PEPD: variants seen among roughly 807,000 people sequenced by gnomAD.
PEPD encodes the protein xaa-Pro dipeptidase.
Under a neutral mutation model 60.7 loss-of-function variants are expected in PEPD, and 53 were observed. That is an observed-to-expected ratio of 0.87 (90% CI 0.70 to 1.10). The LOEUF (loss-of-function observed/expected upper bound fraction) is 1.10. Among genes scored for constraint, PEPD ranks in the 50% least tolerant of loss-of-function variants. The pLI is 0.00. For synonymous variants in PEPD, 267 were observed against 284.1 expected, an observed-to-expected ratio of 0.94 and a Z score of 0.60; for missense variants, 711 against 711.9, an observed-to-expected ratio of 1.00 and a Z score of 0.01.
intron 9 of PEPD, among the ~76,000 whole-genome samples, chr19:33,433,147 C>A (rs997362713): frequency 6.6e-6 from 1 of 152,252 alleles, no homozygotes; most frequent in Non-Finnish European, 1.5e-5. Context: ...TCAATCAGGG[C>A]CTTACTGGTC....
chr19:33,430,205 A>G (rs1439138041), intron 9 of PEPD, among the ~76,000 whole-genome samples: 11 of 152,172 alleles, frequency 7.2e-5, no homozygotes, highest in Admixed American at 7.2e-4. Flanking sequence ...CCAGACACTA[A>G]CCCAGCCCCA....
At chr19:33,519,293 T>G (rs1305582204) in intron 1 of PEPD, among the ~76,000 whole-genome samples, 1 of 152,212 alleles carries the variant, frequency 6.6e-6, no homozygotes, top group Non-Finnish European at 1.5e-5. Context: ...AGTAGATTCT[T>G]GAGTTTCAAA....
intron 9 of PEPD, among the ~76,000 whole-genome samples, chr19:33,426,654 G>C (rs542412286): frequency 6.6e-6 from 1 of 152,366 alleles, no homozygotes; most frequent in East Asian, 1.9e-4. Context: ...GGTCACCCGG[G>C]AGGCAGCGCC....
chr19:33,400,132 C>T (rs952942233), intron 12 of PEPD, among the ~76,000 whole-genome samples: 1 of 152,212 alleles, frequency 6.6e-6, no homozygotes. Context: ...TTGGGCCTGC[C>T]TGTCTCTCTG....
chr19:33,448,529 CT>C (rs149447344), intron 9 of PEPD, among the ~76,000 whole-genome samples: 130 of 151,694 alleles, frequency 8.6e-4, no homozygotes, highest in African/African-American at 3.0e-3. Flanking sequence ...AAAAAAAAGT[CT>C]TTTTTTTTCC....
intron 6 of PEPD, among the ~76,000 whole-genome samples, chr19:33,478,486 C>T (rs1970261937): frequency 6.6e-6 from 1 of 152,006 alleles, no homozygotes; most frequent in African/African-American, 2.4e-5. Flanking sequence ...CCATGAACTC[C>T]AAGTAGGATA....
chr19:33,518,038 A>G (rs889962299), intron 1 of PEPD, among the ~76,000 whole-genome samples: 4 of 151,862 alleles, frequency 2.6e-5, no homozygotes, highest in Non-Finnish European at 5.9e-5. Context: ...CCAGCCAAGG[A>G]CCAGCCACCT....
intron 9 of PEPD, among the ~76,000 whole-genome samples, chr19:33,456,232 A>G (rs528764544): frequency 7.9e-5 from 12 of 151,744 alleles, no homozygotes; most frequent in African/African-American, 2.4e-4. Context: ...CCTGTCCCCA[A>G]CTCCCTCCCT....
chr19:33,485,006 C>T (rs1970371340), intron 6 of PEPD, among the ~76,000 whole-genome samples: 2 of 152,166 alleles, frequency 1.3e-5, no homozygotes, highest in Non-Finnish European at 2.9e-5. Flanking sequence ...AGTGTAATTT[C>T]CTGATGAGCT....
intron 12 of PEPD, among the ~76,000 whole-genome samples, chr19:33,393,384 A>G (rs1295517989): frequency 6.6e-6 from 1 of 152,052 alleles, no homozygotes; most frequent in African/African-American, 2.4e-5. Flanking sequence ...CCCTGGGCAC[A>G]CACACCCCTG....
chr19:33,408,442 C>T (rs1968689157), intron 11 of PEPD, among the ~76,000 whole-genome samples: 1 of 152,238 alleles, frequency 6.6e-6, no homozygotes, highest in African/African-American at 2.4e-5. Flanking sequence ...CAACGCAGCA[C>T]AGCCTCGGTC....
chr19:33,497,791 C>A (rs1411878128), intron 4 of PEPD, among the ~76,000 whole-genome samples: 1 of 152,134 alleles, frequency 6.6e-6, no homozygotes, highest in Non-Finnish European at 1.5e-5. Flanking sequence ...GGGGTTCAGT[C>A]CAGCAAGTCA....
intron 12 of PEPD, among the ~76,000 whole-genome samples, chr19:33,392,246 AG>A (rs1416214152): frequency 6.6e-6 from 1 of 152,070 alleles, no homozygotes; most frequent in Non-Finnish European, 1.5e-5. Context: ...CTAAGCACAG[AG>A]CTTTGGGGGC....
At chr19:33,493,055 G>A (rs1970530404) in intron 5 of PEPD, among the ~76,000 whole-genome samples, 1 of 152,130 alleles carries the variant, frequency 6.6e-6, no homozygotes, top group African/African-American at 2.4e-5. Flanking sequence ...TTTTTAATTT[G>A]TTGTAAAGAC....
At chr19:33,439,557 G>A (rs1034249364) in intron 9 of PEPD, among the ~76,000 whole-genome samples, 1 of 152,338 alleles carries the variant, frequency 6.6e-6, no homozygotes, top group East Asian at 1.9e-4. Flanking sequence ...CACTAGCAGG[G>A]CTGCCCGGCA....
At chr19:33,446,527 C>A (rs993916537) in intron 9 of PEPD, among the ~76,000 whole-genome samples, 4 of 152,206 alleles carry the variant, frequency 2.6e-5, no homozygotes, top group African/African-American at 9.6e-5. Context: ...CACCAGGTGC[C>A]CATGCCATCC....
intron 1 of PEPD, among the ~76,000 whole-genome samples, chr19:33,516,935 TG>T (rs1478985462): frequency 6.6e-6 from 1 of 152,142 alleles, no homozygotes; most frequent in African/African-American, 2.4e-5. Context: ...CCAGGCGCAG[TG>T]GCTCATGCCT....
chr19:33,435,492 C>T (rs1289930136), intron 9 of PEPD, among the ~76,000 whole-genome samples: 1 of 152,226 alleles, frequency 6.6e-6, no homozygotes, highest in East Asian at 1.9e-4. Context: ...GCGCCGAGCC[C>T]AGACGAAGGA....
chr19:33,517,871 G>C (rs189038376), intron 1 of PEPD, among the ~76,000 whole-genome samples: 1 of 151,776 alleles, frequency 6.6e-6, no homozygotes, highest in Admixed American at 6.6e-5. Context: ...GGAGGCTGAG[G>C]CAGGAGAACC....
Sources: gnomAD v4.1 joint callset for allele counts (sites outside exome capture counted in the v4.1 genomes callset) on GRCh38, gnomAD v4.1.1 for gene constraint, MANE v1.5 for transcripts, NCBI Gene and HGNC (gene_info 2026-07-23, HGNC 2026-07-21) for gene names.